TBC1D14: variants seen among roughly 807,000 people sequenced by gnomAD.
TBC1D14 encodes the protein TBC1 domain family, member 14.
In TBC1D14, 26 loss-of-function variants were observed where a neutral mutation model predicts 79.0. That is an observed-to-expected ratio of 0.33 (90% CI 0.24 to 0.46). The LOEUF is 0.46. Among genes scored for constraint, TBC1D14 ranks in the 20% least tolerant of loss-of-function variants. The pLI is 1.00. For synonymous variants in TBC1D14, 394 were observed against 349.9 expected, an observed-to-expected ratio of 1.13 and a Z score of -1.40; for missense variants, 769 against 887.6, an observed-to-expected ratio of 0.87 and a Z score of 1.70.
chr4:6,996,193 CTG>C, intron 4 of TBC1D14, 130 bp from the exon 5 acceptor site: 1 of 678,118 alleles, frequency 1.5e-6, no homozygotes. Context: ...TGTGAAAGAA[CTG>C]TGTAATCTTA....
At chr4:6,981,036 T>C (rs1717329893) in intron 3 of TBC1D14, among the ~76,000 whole-genome samples, 1 of 149,958 alleles carries the variant, frequency 6.7e-6, no homozygotes, top group African/African-American at 2.5e-5. Flanking sequence ...TTTTTTTTTT[T>C]TTTTTAAAGA....
chr4:7,032,427 C>G lies in TBC1D14; in HGVS notation c.*2035C>G, dbSNP rs1372913259. The G allele has an allele frequency of 6.5e-6, 1 of 152,692 alleles. No individual in the cohort carries two copies. Among genetic ancestry groups the G allele is most frequent in the Admixed American group, 6.5e-5 (1 of 15,292 alleles). The allele number at this position is 152,692 out of a possible 1,614,324, so 9.5% of individuals were successfully genotyped here. On this transcript the variant is annotated 3_prime_UTR_variant, in exon 14 of 14. Coordinates refer to ENST00000409757, the MANE Select transcript of TBC1D14 (RefSeq NM_020773.3). ...GTGTGTTCAGATTGCCCCTGGGGATCTTCTGTGTCTTCAGCGCCCAGCCCT... is the reference window on the plus strand; with the variant it reads ...GTGTGTTCAGATTGCCCCTGGGGATGTTCTGTGTCTTCAGCGCCCAGCCCT...
intron 2 of TBC1D14, among the ~76,000 whole-genome samples, chr4:6,933,142 G>T (rs1304742675): frequency 6.6e-6 from 1 of 151,476 alleles, no homozygotes; most frequent in Non-Finnish European, 1.5e-5. Context: ...GGCTTCTTTT[G>T]TGTGGAGTCC....
intron 2 of TBC1D14, among the ~76,000 whole-genome samples, chr4:6,966,334 A>T (rs1478725730): frequency 6.6e-6 from 1 of 152,210 alleles, no homozygotes; most frequent in Non-Finnish European, 1.5e-5. Context: ...AGTGCATTCC[A>T]AAATTTTATT....
rs1437560276 is a variant in TBC1D14, at chr4:7,032,672, C to T, written c.*2280C>T. On this transcript the variant is annotated 3_prime_UTR_variant, in exon 14 of 14. Transcript: ENST00000409757. ...AAGTTCTGAGTCCCCGGCCAGGGTC[C>T]CTTAACACCTCGGCACAGAGGCTGT... 6.6e-6 allele frequency: 1 copy of T among 152,168 alleles called. No individual in the cohort carries two copies. The highest frequency in any genetic ancestry group is 1.5e-5 in the Non-Finnish European group (1 of 68,046). 9.4% of individuals were successfully genotyped at this position (152,168 alleles called of 1,614,324 possible).
Position 7,030,848 on chromosome 4 carries a change from G to A in TBC1D14, c.*456G>A, listed in dbSNP as rs924931017. Reference sequence around the variant, plus strand: ...GATCGCTGATTGAGTTATTGAGATAGTTTTTCCAGAGCTGGAGGTCACGTT... The same window carrying A: ...GATCGCTGATTGAGTTATTGAGATAATTTTTCCAGAGCTGGAGGTCACGTT... On this transcript the variant is annotated 3_prime_UTR_variant, in exon 14 of 14. Coordinates refer to ENST00000409757, the MANE Select transcript of TBC1D14 (RefSeq NM_020773.3). The A allele has an allele frequency of 3.2e-5, 5 of 155,248 alleles. No individual in the cohort carries two copies. Among genetic ancestry groups the A allele is most frequent in the Admixed American group, 3.2e-4 (5 of 15,650 alleles). The allele number at this position is 155,248 out of a possible 1,614,324, so 9.6% of individuals were successfully genotyped here.
chr4:6,924,584 G>A (rs1446846096), intron 2 of TBC1D14, among the ~76,000 whole-genome samples: 2 of 152,144 alleles, frequency 1.3e-5, no homozygotes, highest in Non-Finnish European at 2.9e-5. Flanking sequence ...CTGTGCTCTC[G>A]TGTGCCTGTC....
In TBC1D14 at chr4:6,923,471, C is replaced by T; in HGVS notation, c.82C>T (p.Gln28Ter). Residue 28 changes from glutamine (Q) to a stop codon, truncating the protein, a stop_gained, in exon 2 of 14, where the codon CAG becomes TAG. Transcript: ENST00000409757. LOFTEE classifies it high-confidence loss of function. The part of the protein sequence containing the change: ...ILDGRPGNPL[Q>*]NLQHVNLKAP... ...GGATGGTCGACCAGGAAACCCCCTTCAGAACCTGCAACACGTCAATCTCAA... is the reference window on the plus strand; with the variant it reads ...GGATGGTCGACCAGGAAACCCCCTTTAGAACCTGCAACACGTCAATCTCAA... The T allele has an allele frequency of 6.2e-7, 1 of 1,614,208 alleles. No homozygotes were observed. Among genetic ancestry groups the T allele is most frequent in the Non-Finnish European group, 8.5e-7 (1 of 1,180,036 alleles).
Position 7,018,434 on chromosome 4 carries a change from C to T in TBC1D14, c.1757+3877C>T, listed in dbSNP as rs141511328. ...CCTGCCCACCAAACCTGCTCCCCAC[C>T]GCCCCAGCTCCACCCACTCTCTGAG... is the stretch of plus-strand genomic sequence containing the variant. On this transcript the variant is annotated intron_variant, in intron 12 of 13. Coordinates refer to ENST00000409757, the MANE Select transcript of TBC1D14 (RefSeq NM_020773.3). 3.4e-4 allele frequency among the ~76,000 whole-genome samples: 52 copies of T among 152,344 alleles called. 1 individual carries two copies. The highest frequency in any genetic ancestry group is 6.8e-3 in the Middle Eastern group (2 of 294).
chr4:6,987,393 C>T (rs1326154968), intron 3 of TBC1D14: 1 of 1,386,472 alleles, frequency 7.2e-7, no homozygotes, highest in South Asian at 1.6e-5. Flanking sequence ...CGCCCCAGGC[C>T]TGCCCGGTCC....
At chr4:6,986,571 C>A (rs946564698) in intron 3 of TBC1D14, among the ~76,000 whole-genome samples, 1 of 152,206 alleles carries the variant, frequency 6.6e-6, no homozygotes, top group East Asian at 1.9e-4. Flanking sequence ...GAGCCTTGGG[C>A]TAGGCCCCGT....
chr4:6,913,986 A>C (rs766258264), intron 1 of TBC1D14, among the ~76,000 whole-genome samples: 2 of 152,050 alleles, frequency 1.3e-5, no homozygotes, highest in South Asian at 4.1e-4. Context: ...ACAACAAAAA[A>C]TTAGCTGGGT....
intron 3 of TBC1D14, among the ~76,000 whole-genome samples, chr4:6,980,816 T>C (rs1012683130): frequency 2.7e-4 from 40 of 147,564 alleles, no homozygotes; most frequent in Non-Finnish European, 3.0e-4. Flanking sequence ...ACCGGGTGCA[T>C]GCCATTCTTC....
chr4:6,965,374 C>T (rs1361133354), intron 2 of TBC1D14, among the ~76,000 whole-genome samples: 1 of 152,148 alleles, frequency 6.6e-6, no homozygotes, highest in African/African-American at 2.4e-5. Context: ...TCTTTGTTTT[C>T]ATGACATTGA....
At chr4:7,004,729 A>C in intron 7 of TBC1D14, 115 bp from the exon 8 acceptor site, 4 of 884,016 alleles carry the variant, frequency 4.5e-6, no homozygotes, top group Non-Finnish European at 7.3e-6. Context: ...TTAAGTATGC[A>C]TTAAGCCTAT....
chr4:6,983,587 A>T (rs1717570525), intron 3 of TBC1D14, among the ~76,000 whole-genome samples: 1 of 152,152 alleles, frequency 6.6e-6, no homozygotes, highest in Non-Finnish European at 1.5e-5. Flanking sequence ...GTCTATCAGG[A>T]GATTATCCCA....
intron 2 of TBC1D14, among the ~76,000 whole-genome samples, chr4:6,951,159 G>A (rs1466145033): frequency 6.6e-6 from 1 of 152,070 alleles, no homozygotes; most frequent in Non-Finnish European, 1.5e-5. Context: ...GCGTGTAGTG[G>A]CAGGCACCTA....
At chr4:6,959,146 A>G (rs1406140282) in intron 2 of TBC1D14, among the ~76,000 whole-genome samples, 1 of 151,892 alleles carries the variant, frequency 6.6e-6, no homozygotes, top group Non-Finnish European at 1.5e-5. Context: ...CGGCCTCCCA[A>G]AGTGCTGGGA....
intron 12 of TBC1D14, among the ~76,000 whole-genome samples, chr4:7,017,841 T>C (rs1409313723): frequency 6.6e-6 from 1 of 152,238 alleles, no homozygotes; most frequent in Non-Finnish European, 1.5e-5. Flanking sequence ...TCATGACTTA[T>C]TTCCTGAGTC....
Sources: allele counts gnomAD v4.1 joint callset (sites outside exome capture counted in the v4.1 genomes callset), GRCh38; gene constraint gnomAD v4.1.1; transcripts MANE v1.5; gene names NCBI Gene and HGNC (gene_info 2026-07-23, HGNC 2026-07-21).